Variants in ABCC11 observed in about 807,000 individuals in gnomAD.
ABCC11 encodes ATP-binding cassette sub-family C member 11.
ABCC11 carries 135 observed loss-of-function variants against 149.3 expected under a neutral mutation model. The observed-to-expected ratio is 0.90, with a 90% confidence interval of 0.79 to 1.04. The LOEUF is 1.04. Among genes scored for constraint, ABCC11 ranks in the 50% least tolerant of loss-of-function variants. ABCC11 has a pLI of 0.00. For synonymous variants in ABCC11, 665 were observed against 671.4 expected, an observed-to-expected ratio of 0.99 and a Z score of 0.15; for missense variants, 1,680 against 1,722.1, an observed-to-expected ratio of 0.98 and a Z score of 0.43.
At chr16:48,177,858 CCCCAG>C (rs1346897657) in intron 24 of ABCC11, among the ~76,000 whole-genome samples, 1 of 152,214 alleles carries the variant, frequency 6.6e-6, no homozygotes, top group Non-Finnish European at 1.5e-5. Flanking sequence ...GCTCTGCCAG[CCCCAG>C]CCTGTGTGAT....
chr16:48,244,694 C>CT, intron 1 of ABCC11: 1 of 1,084,204 alleles, frequency 9.2e-7, no homozygotes, highest in Non-Finnish European at 1.2e-6. Context: ...AGGCCACGGC[C>CT]TGCCTTGAGC....
intron 23 of ABCC11, among the ~76,000 whole-genome samples, chr16:48,183,388 C>T (rs904971530): frequency 1.3e-5 from 2 of 152,384 alleles, no homozygotes; most frequent in African/African-American, 4.8e-5. Flanking sequence ...TCCCAGCCCC[C>T]AGTGTGCTGG....
In ABCC11 at chr16:48,187,404, G is replaced by T. The variant is rs1966813011; in HGVS notation, c.2730C>A (p.Phe910Leu). 2.5e-6 allele frequency: 4 copies of T among 1,613,504 alleles called. No individual in the cohort carries two copies. The African/African-American group carries it at 4.0e-5, about 16-fold the overall frequency. ...FNKVFRCPMS[F>L]FDTIPIGRLL... is the part of the protein sequence containing the mutation. Reference sequence around the variant, plus strand: ...GCCGGCCTATTGGGATGGTGTCAAAGAAACTCATGGGGCAGCGGAAAACCT... The same window carrying T: ...GCCGGCCTATTGGGATGGTGTCAAATAAACTCATGGGGCAGCGGAAAACCT... Residue 910 changes from phenylalanine (F) to leucine (L), a missense_variant, in exon 21 of 30, where the codon TTC (phenylalanine) becomes TTA (leucine). By Grantham distance (22) the Phe-to-Leu change is conservative (BLOSUM62 0). Coordinates refer to ENST00000356608, the MANE Select transcript of ABCC11 (RefSeq NM_001370497.1).
In ABCC11 at chr16:48,177,021, G is replaced by A; in HGVS notation, c.3441C>T (p.His1147=). Reference sequence around the variant, plus strand: ...TGGGTGTGTTGTCTCTGTATTTCATGTGATAATCCTGAAATATGATTTCCC... The same window carrying A: ...TGGGTGTGTTGTCTCTGTATTTCATATGATAATCCTGAAATATGATTTCCC... ...QHGEIIFQDY[H]MKYRDNTPTV... is the part of the protein sequence containing the mutation. Residue 1147 remains histidine, a synonymous_variant, in exon 25 of 30, where the codon CAC becomes CAT. Coordinates refer to ENST00000356608, the MANE Select transcript of ABCC11 (RefSeq NM_001370497.1). 1 of 1,614,222 alleles carries A rather than the reference G, an allele frequency of 6.2e-7. No individual in the cohort carries two copies. The highest frequency in any genetic ancestry group is 1.1e-5 in the South Asian group (1 of 91,088).
rs552491158 is a variant in ABCC11, at chr16:48,230,481, A to T, written c.192T>A (p.Tyr64Ter). ...GRAAVPPWGK[Y>*]DAALRTMIPF... ...GAATCATGGTTCTCAAGGCAGCATCATACTTCCCCCACGGTGGGACAGCTG... is the reference window on the plus strand; with the variant it reads ...GAATCATGGTTCTCAAGGCAGCATCTTACTTCCCCCACGGTGGGACAGCTG... Residue 64 changes from tyrosine to a stop codon, truncating the protein, a stop_gained, in exon 3 of 30, where the codon TAT becomes TAA. Coordinates refer to ENST00000356608, the MANE Select transcript of ABCC11 (RefSeq NM_001370497.1). LOFTEE classifies it high-confidence loss of function. 1.2e-6 allele frequency: 2 copies of T among 1,612,482 alleles called. No individual in the cohort carries two copies. The highest frequency in any genetic ancestry group is 1.3e-5 in the African/African-American group (1 of 75,006).
chr16:48,232,772 T>A (rs530274312), intron 1 of ABCC11, among the ~76,000 whole-genome samples: 1 of 152,376 alleles, frequency 6.6e-6, no homozygotes, highest in East Asian at 1.9e-4. Context: ...CTCAGTTGAA[T>A]GCTTTTCTGT....
At chr16:48,194,939 T>C (rs575350280) in intron 18 of ABCC11, among the ~76,000 whole-genome samples, 1 of 152,300 alleles carries the variant, frequency 6.6e-6, no homozygotes, top group South Asian at 2.1e-4. Flanking sequence ...AGAGGGGAAC[T>C]CCCTTGCCCA....
intron 1 of ABCC11, among the ~76,000 whole-genome samples, chr16:48,240,019 AAAC>A (rs1364177435): frequency 6.6e-6 from 1 of 152,228 alleles, no homozygotes; most frequent in Non-Finnish European, 1.5e-5. Context: ...AAAAGTCAAG[AAAC>A]AATAGATGCT....
Position 48,175,314 on chromosome 16 carries a change from C to T in ABCC11, c.3642G>A (p.Leu1214=). The T allele has an allele frequency of 1.9e-6, 3 of 1,614,126 alleles. No individual in the cohort carries two copies. The highest frequency in any genetic ancestry group is 2.5e-6 in the Non-Finnish European group (3 of 1,179,964). Residue 1214 remains leucine, a synonymous_variant, in exon 26 of 30, where the codon TTG becomes TTA. Coordinates refer to ENST00000356608, the MANE Select transcript of ABCC11 (RefSeq NM_001370497.1). ...VDICSIGLED[L]RSKLSVIPQD... is the part of the protein sequence containing the mutation. ...GAGGGATCACTGAGAGCTTGGACCG[C>T]AAGTCCTCCAGGCCGATGCTGCAAA...
chr16:48,195,527 G>A (rs193035361), intron 18 of ABCC11, among the ~76,000 whole-genome samples: 6 of 152,270 alleles, frequency 3.9e-5, no homozygotes, highest in Admixed American at 2.6e-4. Flanking sequence ...AAGTTTCATG[G>A]AGTAAAAATT....
At position 48,178,683 on chromosome 16, in the gene ABCC11, C is replaced by G; in HGVS notation, c.3262G>C (p.Ala1088Pro). 3 of 1,614,132 alleles carry G rather than the reference C, an allele frequency of 1.9e-6. No individual in the cohort carries two copies. Among genetic ancestry groups the G allele is most frequent in the Non-Finnish European group, 2.5e-6 (3 of 1,180,002 alleles). ...VMAVNIVLQL[A>P]SSFQATARIG... ...CGGGCAGTGGCCTGGAAGCTGGACG[C>G]CAGCTAGAAGGAAGGAGAAGTATCG... The change falls in exon 24 of 30, where the codon GCG (alanine) becomes CCG (proline). Residue 1088 changes from alanine (A) to proline (P), a missense_variant. Ala to Pro is a conservative substitution (Grantham distance 27). Transcript: ENST00000356608.
chr16:48,175,361 T>C lies in ABCC11; in HGVS notation c.3595A>G (p.Ile1199Val). The change falls in exon 26 of 30, where the codon ATT (isoleucine) becomes GTT (valine). Residue 1199 changes from isoleucine to valine, a missense_variant. Transcript: ENST00000356608. ...CAAATGTCCACGCCGTCAATGAGAA[T>C]CCGGCCTGCCATGGGCTCCACCAGG... ...FRLVEPMAGR[I>V]LIDGVDICSI... 1 of 1,614,074 alleles carries C rather than the reference T, an allele frequency of 6.2e-7. No individual in the cohort carries two copies. The highest frequency in any genetic ancestry group is 8.5e-7 in the Non-Finnish European group (1 of 1,179,932).
chr16:48,203,378 G>A, intron 13 of ABCC11, 78 bp from the exon 14 acceptor site: 1 of 1,345,822 alleles, frequency 7.4e-7, no homozygotes. Flanking sequence ...GAGAGGAATG[G>A]TCTTGATTTT....
At chr16:48,177,228 G>A (rs867614952) in intron 24 of ABCC11, 115 bp from the exon 25 acceptor site, 16 of 1,073,902 alleles carry the variant, frequency 1.5e-5, no homozygotes, top group African/African-American at 8.0e-5. Context: ...CCTGCCTTGC[G>A]CCAAGGTCAA....
intron 5 of ABCC11, 143 bp downstream of exon 5, chr16:48,224,139 C>T (rs1159133597): frequency 9.6e-6 from 11 of 1,147,904 alleles, no homozygotes; most frequent in East Asian, 2.5e-5. Flanking sequence ...CTCTACTGTC[C>T]TCAAAAGGTC....
chr16:48,170,946 G>C lies in ABCC11; in HGVS notation c.3720C>G (p.Asp1240Glu). The change falls in exon 27 of 30, where the codon GAC (aspartate) becomes GAG (glutamate). Residue 1240 changes from aspartate to glutamate, a missense_variant. Physicochemically the swap from Asp to Glu is conservative, Grantham distance 45. Coordinates refer to ENST00000356608, the MANE Select transcript of ABCC11 (RefSeq NM_001370497.1). ...GTIRFNLDPFDRHTDQQIWDA... is the reference protein window; with the variant it reads ...GTIRFNLDPFERHTDQQIWDA... ...CCCAGATCTGCTGGTCAGTGTGACGGTCAAAGGGATCTAGGTTGAATCTAC... is the reference window on the plus strand; with the variant it reads ...CCCAGATCTGCTGGTCAGTGTGACGCTCAAAGGGATCTAGGTTGAATCTAC... 1.9e-6 allele frequency: 3 copies of C among 1,613,798 alleles called. No individual in the cohort carries two copies. The highest frequency in any genetic ancestry group is 2.5e-6 in the Non-Finnish European group (3 of 1,179,668).
chr16:48,206,796 T>C (rs1596766830), intron 12 of ABCC11, among the ~76,000 whole-genome samples: 1 of 152,312 alleles, frequency 6.6e-6, no homozygotes, highest in African/African-American at 2.4e-5. Flanking sequence ...TGTATGACCT[T>C]GGATGAGTCA....
rs758221413 is a variant in ABCC11 at position 48,170,974 on chromosome 16, T to A, written c.3699-7A>T. 3 of 1,605,554 alleles carry A rather than the reference T, an allele frequency of 1.9e-6. No homozygotes were observed. The highest frequency in any genetic ancestry group is 2.6e-6 in the Non-Finnish European group (3 of 1,172,234). On this transcript the variant is annotated splice_polypyrimidine_tract_variant and splice_region_variant and intron_variant, in intron 26 of 29. Transcript: ENST00000356608. ...AAAGGGATCTAGGTTGAATCTACCA[T>A]ATGAGAGAAAGAGAAGTGTTCAACA...
intron 12 of ABCC11, 127 bp from the exon 13 acceptor site, chr16:48,205,664 G>C: frequency 7.9e-7 from 1 of 1,259,586 alleles, no homozygotes; most frequent in South Asian, 1.6e-5. Flanking sequence ...AGGTAAAAGG[G>C]ACTTTTAATG....
Sources: gnomAD v4.1 joint callset for allele counts (sites outside exome capture counted in the v4.1 genomes callset) on GRCh38, gnomAD v4.1.1 for gene constraint, MANE v1.5 for transcripts, NCBI Gene and HGNC (gene_info 2026-07-23, HGNC 2026-07-21) for gene names.